The following CNTNAP5 variants were observed in gnomAD, a reference collection of about 807,000 sequenced individuals.
The protein encoded by CNTNAP5 is contactin associated protein family member 5.
CNTNAP5 carries 72 observed loss-of-function variants against 150.2 expected under a neutral mutation model. The observed-to-expected ratio is 0.48, with a 90% CI of 0.40 to 0.58. The LOEUF (loss-of-function observed/expected upper bound fraction) is 0.58. Among genes scored for constraint, CNTNAP5 ranks in the 20% least tolerant of loss-of-function variants. The pLI, the probability that CNTNAP5 is intolerant of heterozygous loss-of-function variation, is 0.00. For synonymous variants in CNTNAP5, 672 were observed against 619.8 expected, an observed-to-expected ratio of 1.08 and a Z score of -1.25; for missense variants, 1,636 against 1,626.2, an observed-to-expected ratio of 1.01 and a Z score of -0.10.
At chr2:124,523,332 A>T (rs1381496608) in intron 8 of CNTNAP5, among the ~76,000 whole-genome samples, 3 of 152,186 alleles carry the variant, frequency 2.0e-5, no homozygotes, top group Non-Finnish European at 4.4e-5. Context: ...ACAATAAATG[A>T]CTATTTACAA....
At chr2:124,670,215 CTCTTTCTTTCTT>C (rs140009258) in intron 13 of CNTNAP5, among the ~76,000 whole-genome samples, 7 of 140,624 alleles carry the variant, frequency 5.0e-5, no homozygotes, top group African/African-American at 1.1e-4. Flanking sequence ...CCTTCTTTCC[CTCTTTCTTTCTT>C]TCTTTCTTTC....
chr2:124,642,173 A>G (rs1228471983), intron 12 of CNTNAP5, among the ~76,000 whole-genome samples: 1 of 152,142 alleles, frequency 6.6e-6, no homozygotes, highest in Non-Finnish European at 1.5e-5. Flanking sequence ...TGGGGTAATG[A>G]CCAGGGAAGA....
At chr2:124,214,568 C>A (rs550486385) in intron 1 of CNTNAP5, among the ~76,000 whole-genome samples, 1 of 152,116 alleles carries the variant, frequency 6.6e-6, no homozygotes, top group African/African-American at 2.4e-5. Context: ...AACAATAACC[C>A]GTGCCGTTAT....
At chr2:124,246,879 T>C (rs1182308031) in intron 3 of CNTNAP5, among the ~76,000 whole-genome samples, 2 of 152,146 alleles carry the variant, frequency 1.3e-5, no homozygotes, top group East Asian at 3.9e-4. Context: ...TTTTCTCTTA[T>C]TAAAATTATG....
chr2:124,702,443 C>A (rs1424329768), intron 13 of CNTNAP5, among the ~76,000 whole-genome samples: 1 of 124,248 alleles, frequency 8.0e-6, no homozygotes, highest in Admixed American at 1.1e-4. Flanking sequence ...ATGCCACTCT[C>A]AACTTGGTGT....
chr2:124,542,356 G>A, intron 10 of CNTNAP5, among the ~76,000 whole-genome samples: 1 of 151,006 alleles, frequency 6.6e-6, no homozygotes. Flanking sequence ...AAGAGAGCTA[G>A]ATAAGAAACC....
intron 2 of CNTNAP5, among the ~76,000 whole-genome samples, chr2:124,239,032 T>G (rs1473324900): frequency 2.0e-5 from 3 of 152,170 alleles, no homozygotes; most frequent in African/African-American, 7.2e-5. Context: ...GCTCAGAAAA[T>G]TTTTAACATG....
At chr2:124,868,452 G>A (rs1026054069) in intron 20 of CNTNAP5, among the ~76,000 whole-genome samples, 1 of 152,042 alleles carries the variant, frequency 6.6e-6, no homozygotes, top group Non-Finnish European at 1.5e-5. Context: ...ATATACTCAT[G>A]TCCAGTTCTT....
intron 20 of CNTNAP5, among the ~76,000 whole-genome samples, chr2:124,866,120 A>T (rs1402985004): frequency 6.6e-6 from 1 of 151,944 alleles, no homozygotes; most frequent in Non-Finnish European, 1.5e-5. Flanking sequence ...AAAATTAGCC[A>T]GGTGTGGTGG....
chr2:124,760,964 T>G (rs1680943898), intron 14 of CNTNAP5, among the ~76,000 whole-genome samples: 1 of 152,118 alleles, frequency 6.6e-6, no homozygotes, highest in Admixed American at 6.6e-5. Flanking sequence ...ACTAGGGTGT[T>G]GAGGTACATG....
intron 1 of CNTNAP5, among the ~76,000 whole-genome samples, chr2:124,192,200 C>A (rs1685474305): frequency 6.6e-6 from 1 of 152,174 alleles, no homozygotes; most frequent in South Asian, 2.1e-4. Context: ...CTGTGGGGCT[C>A]CGTCCATGGG....
intron 13 of CNTNAP5, among the ~76,000 whole-genome samples, chr2:124,672,269 A>T (rs1678840772): frequency 6.6e-6 from 1 of 152,122 alleles, no homozygotes; most frequent in Non-Finnish European, 1.5e-5. Flanking sequence ...CCCTCATTTT[A>T]CTTTAATTAT....
chr2:124,739,819 G>C (rs1680460690), intron 13 of CNTNAP5, among the ~76,000 whole-genome samples: 1 of 152,026 alleles, frequency 6.6e-6, no homozygotes, highest in South Asian at 2.1e-4. Flanking sequence ...CCCCTGGTGA[G>C]AAGTCATATT....
At chr2:124,597,245 C>A (rs1460127413) in intron 11 of CNTNAP5, among the ~76,000 whole-genome samples, 1 of 149,578 alleles carries the variant, frequency 6.7e-6, no homozygotes, top group East Asian at 2.0e-4. Flanking sequence ...TCTCGATGGT[C>A]TTTACATTTT....
At chr2:124,194,366 CATATATATAT>C (rs1189694569) in intron 1 of CNTNAP5, among the ~76,000 whole-genome samples, 8 of 101,228 alleles carry the variant, frequency 7.9e-5, no homozygotes, top group African/African-American at 2.9e-4. Flanking sequence ...TAAATTAGGT[CATATATATAT>C]ATATATATAT....
At chr2:124,107,633 C>T (rs1683197807) in intron 1 of CNTNAP5, among the ~76,000 whole-genome samples, 2 of 152,086 alleles carry the variant, frequency 1.3e-5, no homozygotes, top group Non-Finnish European at 2.9e-5. Flanking sequence ...ACAGTATTTC[C>T]TCTGGTGACT....
At chr2:124,831,778 A>G (rs536616343) in intron 19 of CNTNAP5, among the ~76,000 whole-genome samples, 1 of 151,866 alleles carries the variant, frequency 6.6e-6, no homozygotes, top group African/African-American at 2.4e-5. Flanking sequence ...ATTTAAAATT[A>G]CATGAAAAGT....
chr2:124,655,945 GAGAAAGAAAGAA>G (rs766640499), intron 13 of CNTNAP5, among the ~76,000 whole-genome samples: 37 of 55,516 alleles, frequency 6.7e-4, no homozygotes, highest in Middle Eastern at 9.6e-3. Flanking sequence ...GAGAGAGAGA[GAGAAAGAAAGAA>G]AGAAAGAAAG....
intron 21 of CNTNAP5, among the ~76,000 whole-genome samples, chr2:124,885,718 T>C (rs1678067486): frequency 6.6e-6 from 1 of 152,020 alleles, no homozygotes; most frequent in African/African-American, 2.4e-5. Flanking sequence ...AACCATACAA[T>C]TTGTCACATT....
Sources: allele counts gnomAD v4.1 joint callset (sites outside exome capture counted in the v4.1 genomes callset), GRCh38; gene constraint gnomAD v4.1.1; transcripts MANE v1.5; gene names NCBI Gene and HGNC (gene_info 2026-07-23, HGNC 2026-07-21).